The following ZNF717 variants were observed in gnomAD, a reference collection of about 807,000 sequenced individuals.
ZNF717 encodes the protein zinc finger protein 717, also known as krueppel-like factor X17.
A neutral mutation model predicts 13.8 loss-of-function variants in ZNF717; 9 were observed. The ratio of observed to expected loss-of-function variants is 0.65; its 90% CI spans 0.39 to 1.14. The LOEUF (loss-of-function observed/expected upper bound fraction) is 1.14. ZNF717 is among the 50% of genes most tolerant of loss of function. The pLI is 0.01. For missense variants in ZNF717, 1,040 were observed against 1,080.7 expected, an observed-to-expected ratio of 0.96 and a Z score of 0.53; for synonymous variants, 327 against 364.1, an observed-to-expected ratio of 0.90 and a Z score of 1.16.
intron 6 of ZNF717, among the ~76,000 whole-genome samples, chr3:75,699,717 T>C (rs1253053270): frequency 5.5e-4 from 83 of 151,072 alleles, no homozygotes; most frequent in African/African-American, 1.8e-3. Context: ...AATTAACCAG[T>C]CACTGATTAT....
Position 75,782,826 on chromosome 3 carries a change from C to T in ZNF717, c.57+480G>A, listed in dbSNP as rs570126332. 3.3e-5 allele frequency among the ~76,000 whole-genome samples: 5 copies of T among 152,158 alleles called. No homozygotes were observed. The South Asian group carries it at 1.0e-3, about 32-fold the overall frequency. ...GCAGATGACCATTTCCACTGCACAA[C>T]ACGCCGTGCTTTAGCGGATGACGAC... is the stretch of plus-strand genomic sequence containing the variant. On this transcript the variant is annotated intron_variant, in intron 2 of 4. Transcript: ENST00000652011.
At chr3:75,742,906 T>G (rs1940659709) in intron 2 of ZNF717, among the ~76,000 whole-genome samples, 1 of 152,224 alleles carries the variant, frequency 6.6e-6, no homozygotes, top group African/African-American at 2.4e-5. Flanking sequence ...CTGTATACAG[T>G]CATGAGCTGC....
At chr3:75,750,138 A>C (rs1575824655) in intron 2 of ZNF717, among the ~76,000 whole-genome samples, 1 of 151,332 alleles carries the variant, frequency 6.6e-6, no homozygotes. Flanking sequence ...ATAGGATACT[A>C]GAACACTGCT....
At chr3:75,715,507 T>A (rs1938030430) in intron 5 of ZNF717, among the ~76,000 whole-genome samples, 1 of 152,270 alleles carries the variant, frequency 6.6e-6, no homozygotes, top group Admixed American at 6.5e-5. Flanking sequence ...TTTTTCTAGT[T>A]ATTTTTCTCT....
chr3:75,720,476 G>T (rs2918476), intron 4 of ZNF717, among the ~76,000 whole-genome samples: 1 of 151,182 alleles, frequency 6.6e-6, no homozygotes, highest in African/African-American at 2.4e-5. Flanking sequence ...TAGACACTAG[G>T]GACTTCAAGG....
chr3:75,785,093 A>C (rs1945068167), intron 1 of ZNF717: 1 of 152,306 alleles, frequency 6.6e-6, no homozygotes, highest in Non-Finnish European at 1.5e-5. Context: ...GGGAAACCCA[A>C]CTAATACAAA....
chr3:75,768,043 C>T (rs1249290295), intron 2 of ZNF717, among the ~76,000 whole-genome samples: 1 of 152,094 alleles, frequency 6.6e-6, no homozygotes, highest in Non-Finnish European at 1.5e-5. Context: ...GCACAAACGC[C>T]ATTCTCAGGG....
At chr3:75,772,578 A>G (rs1306985256) in intron 2 of ZNF717, among the ~76,000 whole-genome samples, 4 of 152,190 alleles carry the variant, frequency 2.6e-5, no homozygotes, top group African/African-American at 9.7e-5. Context: ...CTGCAGCCTC[A>G]CAGGAAGCTG....
intron 2 of ZNF717, among the ~76,000 whole-genome samples, chr3:75,750,582 G>A (rs1473256854): frequency 6.0e-5 from 9 of 148,914 alleles, no homozygotes; most frequent in African/African-American, 2.0e-4. Flanking sequence ...ACACTGCTAC[G>A]AGAGTCCAAA....
rs1388003662 is a variant in ZNF717 at position 75,744,428 on chromosome 3, A to T, written c.58-2692T>A. On this transcript the variant is annotated intron_variant, in intron 2 of 4. Transcript: ENST00000652011. ...CTAAAAAATCAACAGTTCTTTCTAG[A>T]TTTGAAACTCAGGGGAGGACACAGG... Among the ~76,000 whole-genome samples the T allele has an allele frequency of 3.3e-5, 5 of 152,380 alleles. No homozygotes were observed. The East Asian group carries it at 9.6e-4, about 29-fold the overall frequency.
chr3:75,742,984 T>C (rs1367803031), intron 2 of ZNF717, among the ~76,000 whole-genome samples: 1 of 152,226 alleles, frequency 6.6e-6, no homozygotes, highest in Admixed American at 6.5e-5. Flanking sequence ...TGATGAAACA[T>C]ACACAGAAAC....
chr3:75,781,527 G>T (rs567033548), intron 2 of ZNF717, among the ~76,000 whole-genome samples: 1 of 152,210 alleles, frequency 6.6e-6, no homozygotes, highest in South Asian at 2.1e-4. Context: ...AATACCCAAA[G>T]TTGTGTTAAC....
At chr3:75,774,711 C>T (rs1944174051) in intron 2 of ZNF717, among the ~76,000 whole-genome samples, 2 of 150,118 alleles carry the variant, frequency 1.3e-5, no homozygotes, top group African/African-American at 4.9e-5. Context: ...AGCTCCGCCT[C>T]CCGGGTTCAC....
At chr3:75,781,493 C>G (rs1944816833) in intron 2 of ZNF717, among the ~76,000 whole-genome samples, 2 of 152,120 alleles carry the variant, frequency 1.3e-5, no homozygotes, top group African/African-American at 4.8e-5. Context: ...AGAAGAATTT[C>G]CAGATCATGA....
intron 2 of ZNF717, among the ~76,000 whole-genome samples, chr3:75,747,023 G>T (rs4677588): frequency 1.2e-4 from 18 of 151,892 alleles, no homozygotes; most frequent in African/African-American, 4.1e-4. Flanking sequence ...TTTAATCCAT[G>T]TTGAATTAAT....
At chr3:75,705,660 TG>T (rs1937790192), downstream of ZNF717, among the ~76,000 whole-genome samples, 1 of 50,104 alleles carries the variant, frequency 2.0e-5, no homozygotes, top group African/African-American at 7.5e-5. Flanking sequence ...TCGAAACACC[TG>T]AGCTTCACTG....
chr3:75,744,367 CAATT>C (rs1231727302), intron 2 of ZNF717, among the ~76,000 whole-genome samples: 19 of 152,302 alleles, frequency 1.2e-4, no homozygotes, highest in Middle Eastern at 3.4e-3. Flanking sequence ...TAATATGACA[CAATT>C]AATCTTAACA....
intron 6 of ZNF717, among the ~76,000 whole-genome samples, chr3:75,699,893 T>C (rs1227284658): frequency 2.4e-3 from 364 of 150,650 alleles, no homozygotes; most frequent in African/African-American, 8.8e-3. Context: ...TAATACTATT[T>C]GCAGTAGCCA....
intron 2 of ZNF717, among the ~76,000 whole-genome samples, chr3:75,782,848 C>T (rs112529892): frequency 2.0e-3 from 285 of 143,470 alleles, no homozygotes; most frequent in African/African-American, 6.4e-3. Flanking sequence ...TAGCGGATGA[C>T]GACCGTTTCC....
Sources: allele counts gnomAD v4.1 joint callset (sites outside exome capture counted in the v4.1 genomes callset), GRCh38; gene constraint gnomAD v4.1.1; transcripts MANE v1.5; gene names NCBI Gene and HGNC (gene_info 2026-07-23, HGNC 2026-07-21).